The following ANOS1 variants were observed in gnomAD, a reference collection of about 807,000 sequenced individuals.
The protein encoded by ANOS1 is anosmin-1.
In ANOS1, 6 loss-of-function variants were observed where a neutral mutation model predicts 59.0. The observed-to-expected ratio is 0.10, with a 90% CI of 0.06 to 0.20. The LOEUF (loss-of-function observed/expected upper bound fraction) is 0.20. Among genes scored for constraint, ANOS1 ranks in the 10% least tolerant of loss-of-function variants. The probability of loss-of-function intolerance (pLI) is 1.00; values close to 1 mark genes in which losing one functional copy is unlikely to be tolerated. For missense variants in ANOS1, 433 were observed against 542.3 expected (o/e 0.80, Z 2.00); for synonymous variants, 217 against 223.4 (o/e 0.97, Z 0.25).
intron 2 of ANOS1, among the ~76,000 whole-genome samples, chrX:8,626,587 C>T (rs1435553066): frequency 2.7e-5 from 3 of 111,055 alleles, no homozygotes; most frequent in Non-Finnish European, 5.7e-5. Context: ...AGGCCGGGCG[C>T]GGTGGCTCAC....
intron 6 of ANOS1, among the ~76,000 whole-genome samples, chrX:8,577,485 C>T: frequency 8.9e-6 from 1 of 112,211 alleles, no homozygotes; most frequent in East Asian, 2.8e-4. Context: ...AGAGCAAGCA[C>T]ATTTTCAGAG....
Position 8,597,534 on chromosome X carries a change from C to T in ANOS1, c.319-278G>A, listed in dbSNP as rs1445845077. On this transcript the variant is annotated intron_variant, in intron 3 of 13. Coordinates refer to ENST00000262648, the MANE Select transcript of ANOS1 (RefSeq NM_000216.4). Reference sequence around the variant, plus strand: ...CACAGATCATATATTCTATCTTGGTCAAAGATGTTTTCCAAAAAAACTGAT... The same window carrying T: ...CACAGATCATATATTCTATCTTGGTTAAAGATGTTTTCCAAAAAAACTGAT... 3.6e-5 allele frequency among the ~76,000 whole-genome samples: 4 copies of T among 109,759 alleles called. No individual in the cohort carries two copies. The Admixed American group carries it at 3.9e-4, about 11-fold the overall frequency.
intron 3 of ANOS1, among the ~76,000 whole-genome samples, chrX:8,607,647 TA>T (rs1930965179): frequency 9.0e-6 from 1 of 111,503 alleles, no homozygotes; most frequent in African/African-American, 3.3e-5. Flanking sequence ...GTACCACATT[TA>T]AACTATGATT....
chrX:8,662,447 G>A (rs1412919673), intron 2 of ANOS1, among the ~76,000 whole-genome samples: 2 of 111,640 alleles, frequency 1.8e-5, no homozygotes, highest in Non-Finnish European at 3.8e-5. Context: ...TGACTCTGCC[G>A]GTGTAGTGCA....
intron 13 of ANOS1, among the ~76,000 whole-genome samples, chrX:8,533,536 A>C (rs868328290): frequency 8.9e-6 from 1 of 111,904 alleles, no homozygotes; most frequent in Non-Finnish European, 1.9e-5. Context: ...TAAAAAAATC[A>C]GAGTTAAAAC....
At position 8,597,139 on chromosome X, in the gene ANOS1, C is replaced by A; in HGVS notation, c.436G>T (p.Ala146Ser). 6 of 1,211,691 alleles carry A rather than the reference C, an allele frequency of 5.0e-6. No individual in the cohort carries two copies. Among genetic ancestry groups the A allele is most frequent in the Non-Finnish European group, 6.7e-6 (6 of 895,536 alleles). ...TCAACTTCGCAGCTTTCAACACAGG[C>A]GGCCGCAAATCCACTGGCTTTCTCA... is the stretch of plus-strand genomic sequence containing the variant. ...APEKASGFAA[A>S]CVESCEVDNE... is the part of the protein sequence containing the mutation. The change falls in exon 4 of 14, where the codon GCC becomes TCC. Residue 146 changes from alanine to serine, a missense_variant. By Grantham distance (99) the Ala-to-Ser change is moderately conservative (BLOSUM62 1). Coordinates refer to ENST00000262648, the MANE Select transcript of ANOS1 (RefSeq NM_000216.4).
In ANOS1 at chrX:8,536,188, CTTTTTTTTTTTT is replaced by C. The variant is rs1304219147; in HGVS notation, c.1622-389_1622-378del. 2.2e-4 allele frequency among the ~76,000 whole-genome samples: 7 copies of C among 31,888 alleles called. No homozygotes were observed. The South Asian group carries it at 7.1e-3, about 32-fold the overall frequency. The allele number at this position is 31,888 out of a possible 115,157, so 27.7% of individuals were successfully genotyped here. On this transcript the variant is annotated intron_variant, in intron 11 of 13. Coordinates refer to ENST00000262648, the MANE Select transcript of ANOS1 (RefSeq NM_000216.4). ...GTTAGAAGAGTTATTAAATCCGAAGCTTTTTTTTTTTTTTTTTTTTTTTTTTTTAAAAGGTGA... is the reference window on the plus strand; with the variant it reads ...GTTAGAAGAGTTATTAAATCCGAAGCTTTTTTTTTTTTTTTTAAAAGGTGA...
chrX:8,647,304 G>A (rs1371649022), intron 2 of ANOS1, among the ~76,000 whole-genome samples: 1 of 110,883 alleles, frequency 9.0e-6, no homozygotes, highest in African/African-American at 3.3e-5. Context: ...GTGATATAGG[G>A]TACATGCTTA....
At chrX:8,650,329 T>C (rs1356139468) in intron 2 of ANOS1, among the ~76,000 whole-genome samples, 4 of 112,645 alleles carry the variant, frequency 3.6e-5, no homozygotes, top group African/African-American at 1.3e-4. Context: ...TCAAATCACA[T>C]GTATTTGTAA....
At chrX:8,725,881 T>C (rs1932915974) in intron 1 of ANOS1, among the ~76,000 whole-genome samples, 1 of 109,128 alleles carries the variant, frequency 9.2e-6, no homozygotes, top group Non-Finnish European at 1.9e-5. Flanking sequence ...CAAAGAGAAA[T>C]ACCATATTAA....
chrX:8,584,390 G>C (rs368782255), intron 6 of ANOS1, among the ~76,000 whole-genome samples: 1 of 108,907 alleles, frequency 9.2e-6, no homozygotes, highest in African/African-American at 3.4e-5. Context: ...GCCTCCCTGA[G>C]GAGAAAAAAA....
chrX:8,730,868 G>A (rs1040381646), intron 1 of ANOS1, among the ~76,000 whole-genome samples: 6 of 112,719 alleles, frequency 5.3e-5, no homozygotes, highest in Non-Finnish European at 9.4e-5. Flanking sequence ...GGCAGCAGCT[G>A]CACTCGCTCG....
At position 8,623,668 on chromosome X, in the gene ANOS1, G is replaced by T; in HGVS notation, c.258C>A (p.Cys86Ter). ...WCQNHKQCSK[C>*]LEPCKESGDL... Reference sequence around the variant, plus strand: ...CCCCTGATTCCTTGCAGGGCTCCAGGCACTGGAAGAGAGGAACAATAAAAA... The same window carrying T: ...CCCCTGATTCCTTGCAGGGCTCCAGTCACTGGAAGAGAGGAACAATAAAAA... The change falls in exon 3 of 14, where the codon TGC becomes TGA. Residue 86 changes from cysteine (C) to a stop codon, truncating the protein, a stop_gained and splice_region_variant. Transcript: ENST00000262648. LOFTEE classifies it high-confidence loss of function. 8.4e-7 allele frequency: 1 copy of T among 1,185,537 alleles called. No individual in the cohort carries two copies.
intron 2 of ANOS1, among the ~76,000 whole-genome samples, chrX:8,651,034 A>C (rs1213256796): frequency 1.8e-5 from 2 of 113,150 alleles, no homozygotes; most frequent in Non-Finnish European, 3.7e-5. Flanking sequence ...CACCTGAAAG[A>C]AAGCACACAG....
In ANOS1 at chrX:8,535,830, G is replaced by A; in HGVS notation, c.1622-19C>T. The A allele has an allele frequency of 1.7e-6, 2 of 1,163,631 alleles. No individual in the cohort carries two copies. Among genetic ancestry groups the A allele is most frequent in the Non-Finnish European group, 2.3e-6 (2 of 851,439 alleles). The stretch of plus-strand genomic sequence containing the variant: ...ACATGACCTGCAGCAATGCAAGAAG[G>A]AAAACCAGGATTAGGCGACTGGAGA... On this transcript the variant is annotated intron_variant, in intron 11 of 13. Transcript: ENST00000262648.
At chrX:8,690,522 C>A (rs1434002410) in intron 2 of ANOS1, among the ~76,000 whole-genome samples, 1 of 111,811 alleles carries the variant, frequency 8.9e-6, no homozygotes, top group Non-Finnish European at 1.9e-5. Context: ...GGTACTGGGG[C>A]ATGGTGCATT....
intron 9 of ANOS1, among the ~76,000 whole-genome samples, chrX:8,551,346 T>G (rs1337951778): frequency 8.9e-6 from 1 of 111,859 alleles, no homozygotes; most frequent in Non-Finnish European, 1.9e-5. Context: ...ATCTCTAAAA[T>G]TAAGAACCAC....
intron 1 of ANOS1, among the ~76,000 whole-genome samples, chrX:8,724,000 G>A (rs981428858): frequency 2.7e-5 from 3 of 112,453 alleles, no homozygotes. Context: ...TCCAAGAATT[G>A]AAATCTTTTT....
At position 8,530,313 on chromosome X, in the gene ANOS1, T is replaced by C. The variant is rs1310625038; in HGVS notation, c.*2682A>G. ...TCAATACTATTACTGGATATATTTT[T>C]CTCACATTAGAGAAATGAATCTAAT... On this transcript the variant is annotated 3_prime_UTR_variant, in exon 14 of 14. Coordinates refer to ENST00000262648, the MANE Select transcript of ANOS1 (RefSeq NM_000216.4). 3.6e-5 allele frequency: 4 copies of C among 112,244 alleles called. No individual in the cohort carries two copies. The highest frequency in any genetic ancestry group is 5.6e-5 in the Non-Finnish European group (3 of 53,214). 9.3% of individuals were successfully genotyped at this position (112,244 alleles called of 1,213,427 possible).
Sources: gnomAD v4.1 joint callset for allele counts (sites outside exome capture counted in the v4.1 genomes callset) on GRCh38, gnomAD v4.1.1 for gene constraint, MANE v1.5 for transcripts, NCBI Gene and HGNC (gene_info 2026-07-23, HGNC 2026-07-21) for gene names.